RRAS2: variants seen among roughly 807,000 people sequenced by gnomAD.
RRAS2 encodes ras-related protein R-Ras2.
In RRAS2, 7 loss-of-function variants were observed where a neutral mutation model predicts 27.6. That is an observed-to-expected ratio of 0.25 (90% confidence interval 0.14 to 0.48). RRAS2 has a LOEUF of 0.48. Ranked by LOEUF, RRAS2 falls within the 20% of genes least tolerant of loss-of-function variation. RRAS2 has a pLI of 0.99. For missense variants in RRAS2, 178 were observed against 256.2 expected (o/e 0.69, Z 2.08); for synonymous variants, 86 against 90.9 (o/e 0.95, Z 0.31).
At chr11:14,284,588 G>T (rs1488565642) in intron 4 of RRAS2, among the ~76,000 whole-genome samples, 1 of 152,072 alleles carries the variant, frequency 6.6e-6, no homozygotes, top group Non-Finnish European at 1.5e-5. Flanking sequence ...TTATCGAGAG[G>T]GGTATTGAAG....
intron 1 of RRAS2, among the ~76,000 whole-genome samples, chr11:14,302,839 G>A (rs1189127893): frequency 5.9e-5 from 9 of 152,204 alleles, no homozygotes; most frequent in Non-Finnish European, 1.2e-4. Flanking sequence ...AGTCTGAGAT[G>A]TAAGTCAAAT....
chr11:14,315,990 A>G (rs1848093129), intron 1 of RRAS2, among the ~76,000 whole-genome samples: 2 of 152,146 alleles, frequency 1.3e-5, no homozygotes, highest in African/African-American at 4.8e-5. Flanking sequence ...TCAAAACCAC[A>G]GAGCTATTAA....
At chr11:14,338,586 T>C (rs2134019286) in intron 1 of RRAS2, among the ~76,000 whole-genome samples, 1 of 152,330 alleles carries the variant, frequency 6.6e-6, no homozygotes, top group South Asian at 2.1e-4. Flanking sequence ...TTTCCACTTG[T>C]GGCATCATAT....
At chr11:14,321,990 A>G (rs1848234085) in intron 1 of RRAS2, among the ~76,000 whole-genome samples, 1 of 152,172 alleles carries the variant, frequency 6.6e-6, no homozygotes, top group South Asian at 2.1e-4. Context: ...TAATAAATCT[A>G]TTGACTATAT....
At chr11:14,322,023 A>G (rs1358845406) in intron 1 of RRAS2, among the ~76,000 whole-genome samples, 1 of 152,194 alleles carries the variant, frequency 6.6e-6, no homozygotes, top group Non-Finnish European at 1.5e-5. Flanking sequence ...TTACTATGCT[A>G]GACACTGTAT....
intron 5 of RRAS2, among the ~76,000 whole-genome samples, chr11:14,280,062 A>T (rs893217466): frequency 1.3e-5 from 2 of 152,254 alleles, no homozygotes; most frequent in Non-Finnish European, 2.9e-5. Flanking sequence ...AACGGCAGTC[A>T]TAATTATTTT....
chr11:14,352,628 G>A (rs1291473483), intron 1 of RRAS2, among the ~76,000 whole-genome samples: 1 of 147,716 alleles, frequency 6.8e-6, no homozygotes, highest in Non-Finnish European at 1.5e-5. Context: ...AAGGCACGGT[G>A]GAATTAATAT....
chr11:14,308,448 A>G, intron 1 of RRAS2: 1 of 230,068 alleles, frequency 4.3e-6, no homozygotes. Flanking sequence ...CCTATAAATG[A>G]GGGGTTTGCC....
chr11:14,361,092 C>T (rs1044879316), upstream of RRAS2, among the ~76,000 whole-genome samples: 2 of 152,088 alleles, frequency 1.3e-5, no homozygotes, highest in African/African-American at 4.8e-5. Context: ...GAGTTCCAGA[C>T]CAGCCTGGCC....
chr11:14,282,056 C>T lies in RRAS2; in HGVS notation c.409-336G>A, dbSNP rs560378974. On this transcript the variant is annotated intron_variant, in intron 4 of 5. Coordinates refer to ENST00000256196, the MANE Select transcript of RRAS2 (RefSeq NM_012250.6). ...CTGTCAGGGAGATGAGCGAAAGCTT[C>T]CCTGAGGAAGTGACATTTAAGCCCA... 6.3e-4 allele frequency among the ~76,000 whole-genome samples: 96 copies of T among 152,248 alleles called. 1 individual carries two copies. The highest frequency in any genetic ancestry group is 2.2e-3 in the African/African-American group (90 of 41,528).
intron 1 of RRAS2, among the ~76,000 whole-genome samples, chr11:14,354,669 TTTC>T (rs1376790943): frequency 4.9e-5 from 5 of 102,058 alleles, no homozygotes; most frequent in Non-Finnish European, 1.0e-4. Flanking sequence ...CAAGTAACAA[TTTC>T]TTTTTTTTTT....
chr11:14,286,942 T>C lies in RRAS2; in HGVS notation c.409-5222A>G, dbSNP rs141157798. ...AGGACAATTTCTGTTTTAGGAAAAT[T>C]TGACATGTGAAATTCCTTCATATAA... On this transcript the variant is annotated intron_variant, in intron 4 of 5. Transcript: ENST00000256196. Among the ~76,000 whole-genome samples the C allele has an allele frequency of 6.0e-3, 917 of 152,334 alleles. 4 individuals carry two copies. The highest frequency in any genetic ancestry group is 9.7e-3 in the Admixed American group (148 of 15,306).
chr11:14,300,719 C>A (rs1246772154), intron 1 of RRAS2, among the ~76,000 whole-genome samples: 1 of 152,102 alleles, frequency 6.6e-6, no homozygotes, highest in Non-Finnish European at 1.5e-5. Context: ...TCGGGCTGGC[C>A]TCCTAAGGAG....
chr11:14,327,814 G>GAA (rs11405333), intron 1 of RRAS2, among the ~76,000 whole-genome samples: 1 of 152,002 alleles, frequency 6.6e-6, no homozygotes, highest in Non-Finnish European at 1.5e-5. Flanking sequence ...ACTCAATAGA[G>GAA]AAAAAAAATT....
rs574321267 is a variant in RRAS2 at position 14,335,887 on chromosome 11, C to T, written c.108+22876G>A. Among the ~76,000 whole-genome samples, 12 of 152,320 alleles carry T rather than the reference C, an allele frequency of 7.9e-5. No individual in the cohort carries two copies. In the East Asian group the frequency reaches 2.3e-3, roughly 29 times the overall value. The stretch of plus-strand genomic sequence containing the variant: ...GCTCTCTCTAGCTAAAGGACCAGAA[C>T]AGGACGTCCCAGCAAGACAGAAAAC... On this transcript the variant is annotated intron_variant, in intron 1 of 5. Coordinates refer to ENST00000256196, the MANE Select transcript of RRAS2 (RefSeq NM_012250.6).
At chr11:14,322,537 GTTTAA>G (rs1311985857) in intron 1 of RRAS2, among the ~76,000 whole-genome samples, 1 of 152,036 alleles carries the variant, frequency 6.6e-6, no homozygotes, top group Non-Finnish European at 1.5e-5. Flanking sequence ...CTTCCTTGAT[GTTTAA>G]TTTCTTTCTT....
intron 5 of RRAS2, 50 bp from the exon 6 acceptor site, chr11:14,279,474 A>G: frequency 2.4e-6 from 3 of 1,272,824 alleles, no homozygotes; most frequent in Admixed American, 3.4e-5. Flanking sequence ...GTAATCTACT[A>G]TTACAAACAC....
chr11:14,362,221 T>C (rs1849199653), upstream of RRAS2, among the ~76,000 whole-genome samples: 1 of 152,212 alleles, frequency 6.6e-6, no homozygotes, highest in Non-Finnish European at 1.5e-5. Context: ...TTTTATTGTG[T>C]CTGTATTATG....
chr11:14,360,195 TA>T (rs71041599), upstream of RRAS2, among the ~76,000 whole-genome samples: 4,345 of 139,458 alleles, frequency 0.031, 170 homozygotes, highest in African/African-American at 0.092. Context: ...ACATGCCATT[TA>T]AAAAAAAAAA....
Sources: allele counts gnomAD v4.1 joint callset (sites outside exome capture counted in the v4.1 genomes callset), GRCh38; gene constraint gnomAD v4.1.1; transcripts MANE v1.5; gene names NCBI Gene and HGNC (gene_info 2026-07-23, HGNC 2026-07-21).